Variants in THSD7B observed in about 807,000 individuals in gnomAD.
The protein encoded by THSD7B is thrombospondin type-1 domain-containing protein 7B.
Under a neutral mutation model 213.6 loss-of-function variants are expected in THSD7B, and 138 were observed. That is an observed-to-expected ratio of 0.65 (90% CI 0.56 to 0.74). The LOEUF is 0.74. THSD7B is among the 30% of genes least tolerant of loss of function. The probability of loss-of-function intolerance (pLI) is 0.00; values close to 1 mark genes in which losing one functional copy is unlikely to be tolerated. For synonymous variants in THSD7B, 742 were observed against 687.0 expected, an observed-to-expected ratio of 1.08 and a Z score of -1.25; for missense variants, 1,931 against 1,991.5, an observed-to-expected ratio of 0.97 and a Z score of 0.58.
chr2:137,043,325 C>T (rs1356928674), intron 2 of THSD7B, among the ~76,000 whole-genome samples: 24 of 152,090 alleles, frequency 1.6e-4, no homozygotes, highest in Non-Finnish European at 8.8e-5. Flanking sequence ...GGCTCTTTTT[C>T]CTGATAGGCT....
At chr2:136,792,802 G>C (rs140223817) in intron 1 of THSD7B, among the ~76,000 whole-genome samples, 3 of 151,952 alleles carry the variant, frequency 2.0e-5, no homozygotes, top group African/African-American at 7.2e-5. Flanking sequence ...ATCTCCTACT[G>C]CCTATCCTGA....
intron 1 of THSD7B, among the ~76,000 whole-genome samples, chr2:136,802,695 C>G (rs1682212091): frequency 9.9e-6 from 1 of 100,518 alleles, no homozygotes; most frequent in Non-Finnish European, 2.0e-5. Flanking sequence ...AGTATTTGAT[C>G]ACTGCTTTTG....
Position 137,527,635 on chromosome 2 carries a change from G to A in THSD7B, c.3139-35586G>A, listed in dbSNP as rs78289826. Among the ~76,000 whole-genome samples the A allele has an allele frequency of 6.8e-4, 104 of 152,078 alleles. No individual in the cohort carries two copies. In the East Asian group the frequency reaches 0.02, roughly 29 times the overall value. On this transcript the variant is annotated intron_variant, in intron 15 of 27. Transcript: ENST00000409968. ...ATGACATTTGGGTGGTGTTGACTCT[G>A]TGCTTGATCCAAAGGTAAACATTAG...
intron 15 of THSD7B, among the ~76,000 whole-genome samples, chr2:137,511,371 T>C (rs112359601): frequency 0.018 from 2,806 of 152,290 alleles, 83 homozygotes; most frequent in African/African-American, 0.064. Context: ...ACTAGTAATT[T>C]TGTGAGAAAC....
intron 12 of THSD7B, among the ~76,000 whole-genome samples, chr2:137,355,848 T>A (rs924667519): frequency 6.6e-6 from 1 of 152,174 alleles, no homozygotes; most frequent in Non-Finnish European, 1.5e-5. Flanking sequence ...TGTGTAGAAT[T>A]GTATTGACAC....
chr2:136,961,663 C>T (rs1384144935), intron 2 of THSD7B, among the ~76,000 whole-genome samples: 3 of 152,150 alleles, frequency 2.0e-5, no homozygotes, highest in Non-Finnish European at 4.4e-5. Context: ...TACAGATTTA[C>T]TGCTTCTTTA....
intron 2 of THSD7B, among the ~76,000 whole-genome samples, chr2:137,015,513 T>C (rs1246604274): frequency 6.6e-6 from 1 of 152,138 alleles, no homozygotes; most frequent in African/African-American, 2.4e-5. Flanking sequence ...GCATCGTGGG[T>C]GTGGCTAGGT....
chr2:137,604,736 A>G (rs983211536), intron 17 of THSD7B, among the ~76,000 whole-genome samples: 2 of 152,090 alleles, frequency 1.3e-5, no homozygotes, highest in Admixed American at 1.3e-4. Context: ...AAAAATTTAG[A>G]TGTTTCTTTC....
At chr2:137,326,359 T>C (rs1684374452) in intron 12 of THSD7B, among the ~76,000 whole-genome samples, 2 of 151,740 alleles carry the variant, frequency 1.3e-5, no homozygotes, top group Admixed American at 1.3e-4. Context: ...GTAGATTAAT[T>C]TCTTCGCCAT....
At chr2:137,366,261 G>T (rs1259484303) in intron 12 of THSD7B, among the ~76,000 whole-genome samples, 3 of 152,058 alleles carry the variant, frequency 2.0e-5, no homozygotes, top group African/African-American at 7.2e-5. Context: ...GGATGAGGAT[G>T]GGATAGCATT....
At chr2:137,487,551 T>C (rs1158083567) in intron 15 of THSD7B, among the ~76,000 whole-genome samples, 1 of 151,426 alleles carries the variant, frequency 6.6e-6, no homozygotes, top group African/African-American at 2.4e-5. Context: ...ATCAACAAAA[T>C]TGATAGTCCA....
chr2:137,663,518 G>A lies in THSD7B; in HGVS notation c.4594G>A (p.Val1532Met), dbSNP rs571404522. ...AAACCTTTCTGGGAAAAACAGACCT[G>A]TGAATTCAAAAATACATGATATTTT... is the stretch of plus-strand genomic sequence containing the variant. ...VKNLSGKNRP[V>M]NSKIHDIFKG... is the part of the protein sequence containing the mutation. The change falls in exon 26 of 28, where the codon GTG becomes ATG. Residue 1532 changes from valine (V) to methionine (M), a missense_variant. Physicochemically the swap from Val to Met is conservative, Grantham distance 21 (BLOSUM62 1). Coordinates refer to ENST00000409968, the MANE Select transcript of THSD7B (RefSeq NM_001316349.2). The A allele has an allele frequency of 1.1e-4, 179 of 1,608,322 alleles. 4 individuals carry two copies. In the South Asian group the frequency reaches 2.0e-3, roughly 18 times the overall value.
chr2:137,591,743 T>C (rs1285040309), intron 17 of THSD7B, among the ~76,000 whole-genome samples: 2 of 151,874 alleles, frequency 1.3e-5, no homozygotes. Flanking sequence ...ATTATAGTGT[T>C]TTATTCTTAT....
intron 5 of THSD7B, among the ~76,000 whole-genome samples, chr2:137,131,521 G>T (rs557327634): frequency 6.6e-5 from 10 of 152,194 alleles, no homozygotes; most frequent in South Asian, 6.2e-4. Context: ...AGGTCTAACA[G>T]GTAAGTCTTT....
intron 1 of THSD7B, among the ~76,000 whole-genome samples, chr2:136,877,391 T>C (rs1339642610): frequency 1.3e-5 from 2 of 152,154 alleles, no homozygotes; most frequent in Non-Finnish European, 2.9e-5. Context: ...TTGTGTCTAG[T>C]AACGCCGCAA....
chr2:137,094,858 T>C lies in THSD7B; in HGVS notation c.951-15T>C. 1 of 1,607,240 alleles carries C rather than the reference T, an allele frequency of 6.2e-7. No individual in the cohort carries two copies. On this transcript the variant is annotated splice_polypyrimidine_tract_variant and intron_variant, in intron 3 of 27. Coordinates refer to ENST00000409968, the MANE Select transcript of THSD7B (RefSeq NM_001316349.2). ...TAATATATGGCCTCCTATTTTCTAC[T>C]TCTGTTTTTTTCAGCCTTTGCCTTC...
intron 2 of THSD7B, among the ~76,000 whole-genome samples, chr2:136,982,867 C>T (rs1305535055): frequency 2.0e-5 from 3 of 151,962 alleles, no homozygotes; most frequent in Non-Finnish European, 4.4e-5. Flanking sequence ...TAAAAATGAA[C>T]TGGAAAGATT....
intron 12 of THSD7B, among the ~76,000 whole-genome samples, chr2:137,278,572 A>G (rs1682925920): frequency 6.6e-6 from 1 of 152,116 alleles, no homozygotes; most frequent in African/African-American, 2.4e-5. Context: ...ATCAGTATGC[A>G]CACTGGGTAT....
chr2:137,541,025 C>T (rs947815768), intron 15 of THSD7B, among the ~76,000 whole-genome samples: 3 of 151,648 alleles, frequency 2.0e-5, no homozygotes, highest in African/African-American at 4.8e-5. Context: ...AGATGTTGAA[C>T]GTGTGCCCCA....
Sources: allele counts gnomAD v4.1 joint callset (sites outside exome capture counted in the v4.1 genomes callset), GRCh38; gene constraint gnomAD v4.1.1; transcripts MANE v1.5; gene names NCBI Gene and HGNC (gene_info 2026-07-23, HGNC 2026-07-21).